PDS5B: variants seen among roughly 807,000 people sequenced by gnomAD.
The protein encoded by PDS5B is PDS5 cohesin associated factor B, also known as sister chromatid cohesion protein PDS5 homolog B.
A neutral mutation model predicts 184.1 loss-of-function variants in PDS5B; 51 were observed. The observed-to-expected ratio is 0.28, with a 90% CI of 0.22 to 0.35. The LOEUF (loss-of-function observed/expected upper bound fraction) is 0.35, where lower values mean the gene tolerates loss of function less well. Among genes scored for constraint, PDS5B ranks in the 10% least tolerant of loss-of-function variants. The pLI, the probability that PDS5B is intolerant of heterozygous loss-of-function variation, is 1.00. For synonymous variants in PDS5B, 566 were observed against 569.2 expected, an observed-to-expected ratio of 0.99 and a Z score of 0.08; for missense variants, 1,180 against 1,723.3, an observed-to-expected ratio of 0.68 and a Z score of 5.58.
chr13:32,720,918 T>G (rs1269411935), intron 19 of PDS5B, among the ~76,000 whole-genome samples: 1 of 152,142 alleles, frequency 6.6e-6, no homozygotes, highest in African/African-American at 2.4e-5. Flanking sequence ...CATTTAACCC[T>G]GAGTTGACAC....
At position 32,708,408 on chromosome 13, in the gene PDS5B, T is replaced by C. The variant is rs138737654; in HGVS notation, c.1962+1369T>C. 7.4e-3 allele frequency among the ~76,000 whole-genome samples: 1,128 copies of C among 152,334 alleles called. 13 individuals carry two copies. Among genetic ancestry groups the C allele is most frequent in the African/African-American group, 0.025 (1,055 of 41,574 alleles). ...ATTTTGATTTTTCTACTTTTATTCT[T>C]ACAAACAACACTAAGGTGAATGTTT... is the stretch of plus-strand genomic sequence containing the variant. On this transcript the variant is annotated intron_variant, in intron 18 of 34. Transcript: ENST00000315596.
chr13:32,656,863 C>G (rs1393090663), intron 3 of PDS5B, among the ~76,000 whole-genome samples: 1 of 152,216 alleles, frequency 6.6e-6, no homozygotes, highest in Non-Finnish European at 1.5e-5. Context: ...TTCCAAAGTG[C>G]TGGGATTACA....
At chr13:32,758,013 T>G (rs1043980284) in intron 26 of PDS5B, 74 bp from the exon 27 acceptor site, 2 of 592,702 alleles carry the variant, frequency 3.4e-6, no homozygotes, top group African/African-American at 3.9e-5. Flanking sequence ...TATTTATATT[T>G]AGAATTATTG....
chr13:32,702,287 G>A (rs1951884382), intron 17 of PDS5B, among the ~76,000 whole-genome samples: 1 of 152,074 alleles, frequency 6.6e-6, no homozygotes, highest in Non-Finnish European at 1.5e-5. Context: ...CAGTCACTTT[G>A]GACTCCTCTT....
At chr13:32,670,128 A>T (rs1223472636) in intron 7 of PDS5B, among the ~76,000 whole-genome samples, 4 of 131,770 alleles carry the variant, frequency 3.0e-5, no homozygotes, top group Non-Finnish European at 5.2e-5. Context: ...ATACAGACAC[A>T]TTCTTTTTTT....
intron 1 of PDS5B, among the ~76,000 whole-genome samples, chr13:32,588,100 T>C (rs1036546235): frequency 6.6e-6 from 1 of 152,322 alleles, no homozygotes; most frequent in African/African-American, 2.4e-5. Flanking sequence ...GCCACAAATA[T>C]GGACTTGAAA....
intron 1 of PDS5B, among the ~76,000 whole-genome samples, chr13:32,626,900 G>A (rs1409076922): frequency 6.6e-6 from 1 of 152,164 alleles, no homozygotes; most frequent in Non-Finnish European, 1.5e-5. Context: ...AGTGACATAT[G>A]CTTACTGATC....
At chr13:32,749,704 G>A (rs1953903001) in intron 24 of PDS5B, among the ~76,000 whole-genome samples, 1 of 151,942 alleles carries the variant, frequency 6.6e-6, no homozygotes, top group Non-Finnish European at 1.5e-5. Flanking sequence ...CTAATTACAT[G>A]GTATTAATGG....
chr13:32,772,360 A>C (rs1445360471), intron 33 of PDS5B, among the ~76,000 whole-genome samples: 1 of 152,172 alleles, frequency 6.6e-6, no homozygotes, highest in Non-Finnish European at 1.5e-5. Context: ...CAGACGTGGT[A>C]CTTGTTTTCA....
chr13:32,660,754 G>C (rs1010382432), intron 6 of PDS5B, among the ~76,000 whole-genome samples: 4 of 152,154 alleles, frequency 2.6e-5, no homozygotes, highest in African/African-American at 9.7e-5. Context: ...TGTAGGGAGA[G>C]GACCTGTAGG....
intron 2 of PDS5B, 85 bp from the exon 3 acceptor site, chr13:32,651,719 C>T: frequency 1.3e-6 from 1 of 764,120 alleles, no homozygotes; most frequent in Non-Finnish European, 2.2e-6. Flanking sequence ...TTGAAGTTAA[C>T]CTTAGCAATT....
intron 17 of PDS5B, among the ~76,000 whole-genome samples, chr13:32,705,462 T>C (rs114850989): frequency 2.0e-3 from 310 of 152,286 alleles, no homozygotes; most frequent in African/African-American, 7.3e-3. Flanking sequence ...GACCCTATAA[T>C]GGGGACAGAT....
In PDS5B at chr13:32,773,491, C is replaced by G. The variant is rs551297090; in HGVS notation, c.4308+167C>G. On this transcript the variant is annotated intron_variant, in intron 34 of 34. Transcript: ENST00000315596. ...ATGGAGAACATCTTTTATGGAAACC[C>G]GAAACTAAGCAAATAGGTGTAGCTT... is the stretch of plus-strand genomic sequence containing the variant. Among the ~76,000 whole-genome samples, 3 of 152,006 alleles carry G rather than the reference C, an allele frequency of 2.0e-5. No homozygotes were observed. The East Asian group carries it at 5.8e-4, about 29-fold the overall frequency.
At chr13:32,773,605 G>A (rs1384280110) in intron 34 of PDS5B, among the ~76,000 whole-genome samples, 1 of 151,980 alleles carries the variant, frequency 6.6e-6, no homozygotes, top group South Asian at 2.1e-4. Flanking sequence ...TGATTTTAGG[G>A]CACTGATACC....
intron 31 of PDS5B, among the ~76,000 whole-genome samples, chr13:32,765,871 G>T (rs562930580): frequency 4.6e-5 from 7 of 152,280 alleles, no homozygotes; most frequent in Admixed American, 4.6e-4. Context: ...CAAAGTGCTG[G>T]GATTACAGGC....
chr13:32,643,363 CTTTATA>C (rs1189087500), intron 1 of PDS5B, among the ~76,000 whole-genome samples: 1 of 152,074 alleles, frequency 6.6e-6, no homozygotes, highest in Non-Finnish European at 1.5e-5. Flanking sequence ...AACACTTTGC[CTTTATA>C]TTTAAGTTGT....
chr13:32,693,986 A>T (rs1441077819), intron 13 of PDS5B, among the ~76,000 whole-genome samples: 2 of 151,690 alleles, frequency 1.3e-5, no homozygotes, highest in Non-Finnish European at 3.0e-5. Flanking sequence ...TCAAATTTAT[A>T]ATTTCTCCAG....
At chr13:32,745,926 T>G (rs2140982439) in intron 23 of PDS5B, 51 bp from the exon 24 acceptor site, 1 of 1,443,356 alleles carries the variant, frequency 6.9e-7, no homozygotes, top group Non-Finnish European at 9.6e-7. Flanking sequence ...ACAGAAGATT[T>G]TGTACAAATA....
At chr13:32,646,826 T>C (rs548989950) in intron 1 of PDS5B, among the ~76,000 whole-genome samples, 4 of 152,270 alleles carry the variant, frequency 2.6e-5, no homozygotes, top group Admixed American at 6.5e-5. Context: ...TTTGGCTAAT[T>C]TGCCCTTATT....
Sources: allele counts gnomAD v4.1 joint callset (sites outside exome capture counted in the v4.1 genomes callset), GRCh38; gene constraint gnomAD v4.1.1; transcripts MANE v1.5; gene names NCBI Gene and HGNC (gene_info 2026-07-23, HGNC 2026-07-21).